PTGDS: variants seen among roughly 807,000 people sequenced by gnomAD.
PTGDS encodes the protein prostaglandin-H2 D-isomerase.
A neutral mutation model predicts 28.4 loss-of-function variants in PTGDS; 21 were observed. The observed-to-expected ratio is 0.74, with a 90% CI of 0.52 to 1.07. The LOEUF (loss-of-function observed/expected upper bound fraction) is 1.07, where lower values mean the gene tolerates loss of function less well. Among genes scored for constraint, PTGDS ranks in the 50% least tolerant of loss-of-function variants. The pLI is 0.00. For synonymous variants in PTGDS, 102 were observed against 106.0 expected (o/e 0.96, Z 0.23); for missense variants, 243 against 247.7 (o/e 0.98, Z 0.13).
At chr9:136,979,451 A>T in intron 3 of PTGDS, 152 bp downstream of exon 3, 1 of 1,547,376 alleles carries the variant, frequency 6.5e-7, no homozygotes, top group South Asian at 1.2e-5. Flanking sequence ...CCTGGGCGTG[A>T]CTACCCATGC....
rs777210047 is a variant in PTGDS at position 136,979,272 on chromosome 9, C to A, written c.304C>A (p.Leu102Ile). The stretch of plus-strand genomic sequence containing the variant: ...CATGCTGCTGCAGCCCGCGGGGTCC[C>A]TCGGCTCCTACAGCTACCGGAGTCC... ...RTMLLQPAGS[L>I]GSYSYRSPHW... The change falls in exon 3 of 7, where the codon CTC becomes ATC. Residue 102 changes from leucine (L) to isoleucine (I), a missense_variant. Coordinates refer to ENST00000371625, the MANE Select transcript of PTGDS (RefSeq NM_000954.6). 6.2e-7 allele frequency: 1 copy of A among 1,611,954 alleles called. No individual in the cohort carries two copies. The highest frequency in any genetic ancestry group is 1.3e-5 in the African/African-American group (1 of 75,006).
chr9:136,978,502 C>T (rs1347503888), intron 1 of PTGDS, among the ~76,000 whole-genome samples: 1 of 7,666 alleles, frequency 1.3e-4, no homozygotes, highest in African/African-American at 5.5e-4. Context: ...TCTCCTGGGG[C>T]GGGGCGTGAG....
chr9:136,981,035 A>T (rs1390840642), intron 6 of PTGDS, 180 bp downstream of exon 6: 1 of 851,098 alleles, frequency 1.2e-6, no homozygotes, highest in African/African-American at 1.7e-5. Context: ...GCCCACATTG[A>T]TGGGTGCACA....
Position 136,979,941 on chromosome 9 carries a change from C to T in PTGDS, c.332-5C>T. The stretch of plus-strand genomic sequence containing the variant: ...CCCCGACAGGGTTGTCTCTTGGGTT[C>T]CCAGACTGGGGCAGCACCTACTCCG... On this transcript the variant is annotated splice_region_variant and splice_polypyrimidine_tract_variant and intron_variant, in intron 3 of 6. Coordinates refer to ENST00000371625, the MANE Select transcript of PTGDS (RefSeq NM_000954.6). The T allele has an allele frequency of 6.2e-7, 1 of 1,612,814 alleles. No homozygotes were observed. The highest frequency in any genetic ancestry group is 8.5e-7 in the Non-Finnish European group (1 of 1,179,550).
chr9:136,978,010 T>C (rs2131395943), intron 1 of PTGDS, among the ~76,000 whole-genome samples: 1 of 152,220 alleles, frequency 6.6e-6, no homozygotes, highest in South Asian at 2.1e-4. Flanking sequence ...CGAGCGCACG[T>C]TCCACACCTG....
chr9:136,978,942 A>G, intron 1 of PTGDS, 51 bp from the exon 2 acceptor site: 2 of 1,592,030 alleles, frequency 1.3e-6, no homozygotes, highest in Admixed American at 1.7e-5. Flanking sequence ...AGGTAGGCGC[A>G]GGTGGGTCCG....
chr9:136,980,734 C>G lies in PTGDS; in HGVS notation c.551-99C>G, dbSNP rs564177893. 4.3e-6 allele frequency: 7 copies of G among 1,613,156 alleles called. No homozygotes were observed. In the African/African-American group the frequency reaches 5.3e-5, roughly 12 times the overall value. ...GATCTGTGCAGTTTGGGGGCTCAGT[C>G]AAGACGAGCTCTGCGTTACGGGAGG... On this transcript the variant is annotated intron_variant, in intron 5 of 6. Transcript: ENST00000371625.
At chr9:136,980,927 C>T (rs2131398514) in intron 6 of PTGDS, 72 bp downstream of exon 6, 2 of 1,512,562 alleles carry the variant, frequency 1.3e-6, no homozygotes, top group Non-Finnish European at 1.8e-6. Context: ...CCAACCCACT[C>T]TGCGATGGGA....
At chr9:136,978,406 T>C (rs970185755) in intron 1 of PTGDS, among the ~76,000 whole-genome samples, 9 of 102,602 alleles carry the variant, frequency 8.8e-5, no homozygotes, top group African/African-American at 3.4e-4. Context: ...ACGGGGGTGC[T>C]GGGTGTCAGG....
chr9:136,980,801 C>T, intron 5 of PTGDS, 32 bp from the exon 6 acceptor site: 1 of 1,613,996 alleles, frequency 6.2e-7, no homozygotes, highest in Non-Finnish European at 8.5e-7. Context: ...GTCTGGGGTT[C>T]TGACGACAGC....
chr9:136,978,298 G>T (rs1830397179), intron 1 of PTGDS, among the ~76,000 whole-genome samples: 2 of 152,134 alleles, frequency 1.3e-5, no homozygotes, highest in African/African-American at 4.8e-5. Flanking sequence ...CAGGCGCTCA[G>T]CCAGGGCACA....
intron 1 of PTGDS, among the ~76,000 whole-genome samples, chr9:136,978,417 G>A (rs939055626): frequency 6.7e-6 from 1 of 150,352 alleles, no homozygotes; most frequent in African/African-American, 2.5e-5. Context: ...GGGTGTCAGG[G>A]GCGTGGCCAG....
intron 5 of PTGDS, 105 bp downstream of exon 5, chr9:136,980,389 C>A: frequency 3.9e-6 from 5 of 1,272,126 alleles, no homozygotes; most frequent in Non-Finnish European, 5.5e-6. Context: ...CCCCGCCCTG[C>A]TCGAGGCCTG....
At chr9:136,980,949 C>A in intron 6 of PTGDS, 94 bp downstream of exon 6, 2 of 1,465,518 alleles carry the variant, frequency 1.4e-6, no homozygotes, top group Non-Finnish European at 9.1e-7. Context: ...GGATCAGGGC[C>A]CCAGGACAGC....
chr9:136,977,803 G>A (rs187328838), intron 1 of PTGDS, 111 bp downstream of exon 1: 16 of 1,032,880 alleles, frequency 1.5e-5, no homozygotes, highest in Admixed American at 5.9e-5. Flanking sequence ...CCGCAGTGCC[G>A]GGCAGTGCCG....
intron 4 of PTGDS, 59 bp downstream of exon 4, chr9:136,980,121 C>G: frequency 6.2e-7 from 1 of 1,607,716 alleles, no homozygotes; most frequent in Non-Finnish European, 8.5e-7. Context: ...CTCCCCAAGA[C>G]CCAGGGCAGG....
In PTGDS at chr9:136,979,320, C is replaced by G. The variant is rs1200179524; in HGVS notation, c.331+21C>G. 4 of 1,600,266 alleles carry G rather than the reference C, an allele frequency of 2.5e-6. No individual in the cohort carries two copies. In the East Asian group the frequency reaches 8.9e-5, roughly 36 times the overall value. On this transcript the variant is annotated intron_variant, in intron 3 of 6. Transcript: ENST00000371625. ...TCCCCGTGAGTGGGGCCTCCACCGG[C>G]CCCCTGGGCCCAGCCTGGGGGCGAC... is the stretch of plus-strand genomic sequence containing the variant.
Position 136,980,240 on chromosome 9 carries a change from C to G in PTGDS, c.506C>G (p.Ala169Gly), listed in dbSNP as rs750108134. ...LKEKFTAFCK[A>G]QGFTEDTIVF... ...GAGAAATTCACCGCCTTCTGCAAGG[C>G]CCAGGGCTTCACAGAGGATACCATT... The change falls in exon 5 of 7, where the codon GCC becomes GGC. Residue 169 changes from alanine (A) to glycine (G), a missense_variant. Transcript: ENST00000371625. 1.2e-6 allele frequency: 2 copies of G among 1,614,096 alleles called. No individual in the cohort carries two copies. Among genetic ancestry groups the G allele is most frequent in the East Asian group, 4.5e-5 (2 of 44,882 alleles).
intron 3 of PTGDS, chr9:136,979,622 G>A: frequency 2.9e-6 from 2 of 689,438 alleles, no homozygotes; most frequent in East Asian, 2.8e-5. Context: ...TCCTCCCCAG[G>A]ACCCAGGGGT....
Sources: allele counts gnomAD v4.1 joint callset (sites outside exome capture counted in the v4.1 genomes callset), GRCh38; gene constraint gnomAD v4.1.1; transcripts MANE v1.5; gene names NCBI Gene and HGNC (gene_info 2026-07-23, HGNC 2026-07-21).